The following UVSSA variants were observed in gnomAD, a reference collection of about 807,000 sequenced individuals.
UVSSA encodes UV stimulated scaffold protein A, also known as UV-stimulated scaffold protein A.
Under a neutral mutation model 73.9 loss-of-function variants are expected in UVSSA, and 72 were observed. The observed-to-expected ratio is 0.97, with a 90% CI of 0.81 to 1.19. UVSSA has a LOEUF of 1.19. Ranked by LOEUF, UVSSA falls within the 50% of genes most tolerant of loss-of-function variation. The pLI is 0.00. For missense variants in UVSSA, 1,150 were observed against 965.0 expected (o/e 1.19, Z -2.54); for synonymous variants, 454 against 391.3 (o/e 1.16, Z -1.89).
Position 1,355,193 on chromosome 4 carries a change from T to C in UVSSA, c.1124T>C (p.Leu375Pro). The change falls in exon 7 of 14, where the codon CTG (leucine) becomes CCG (proline). Residue 375 changes from leucine (L) to proline (P), a missense_variant. Physicochemically the swap from Leu to Pro is moderately conservative, Grantham distance 98. Coordinates refer to ENST00000389851, the MANE Select transcript of UVSSA (RefSeq NM_020894.4). ...CTGAAGGCTGAATTGGAGCTCGTAC[T>C]GAGAAAATACAAGGAGCTGGACATC... is the stretch of plus-strand genomic sequence containing the variant. ...IDLKAELELV[L>P]RKYKELDIEP... is the part of the protein sequence containing the mutation. 6.2e-7 allele frequency: 1 copy of C among 1,613,480 alleles called. No homozygotes were observed. The highest frequency in any genetic ancestry group is 8.5e-7 in the Non-Finnish European group (1 of 1,179,816).
intron 10 of UVSSA, among the ~76,000 whole-genome samples, chr4:1,379,046 C>T (rs1345667211): frequency 6.6e-6 from 1 of 150,848 alleles, no homozygotes; most frequent in Non-Finnish European, 1.5e-5. Context: ...GTGCCTGGGG[C>T]TGTGCTCCTG....
At chr4:1,371,774 T>G (rs1240621045) in intron 8 of UVSSA, among the ~76,000 whole-genome samples, 2 of 152,046 alleles carry the variant, frequency 1.3e-5, no homozygotes, top group Non-Finnish European at 2.9e-5. Flanking sequence ...CCACCACGTG[T>G]GGGAATTATG....
chr4:1,376,776 G>A (rs554390516), intron 10 of UVSSA, among the ~76,000 whole-genome samples: 26 of 152,330 alleles, frequency 1.7e-4, no homozygotes, highest in African/African-American at 5.5e-4. Flanking sequence ...TCGCTGGCAC[G>A]GCCTATCGGG....
rs1192005055 is a variant in UVSSA at position 1,355,212 on chromosome 4, G to A, written c.1143G>A (p.Leu381=). 6.2e-6 allele frequency: 10 copies of A among 1,613,062 alleles called. No homozygotes were observed. In the Admixed American group the frequency reaches 1.0e-4, roughly 16 times the overall value. ...LELVLRKYKE[L]DIEPEGGERR... The stretch of plus-strand genomic sequence containing the variant: ...TCGTACTGAGAAAATACAAGGAGCT[G>A]GACATCGAGCCTGAGGGAGGGGAAA... Residue 381 remains leucine, a synonymous_variant, in exon 7 of 14, where the codon CTG becomes CTA. Coordinates refer to ENST00000389851, the MANE Select transcript of UVSSA (RefSeq NM_020894.4).
intron 8 of UVSSA, among the ~76,000 whole-genome samples, chr4:1,369,679 G>T (rs957755165): frequency 3.9e-5 from 6 of 152,204 alleles, no homozygotes; most frequent in African/African-American, 9.7e-5. Context: ...TAATGTCAGC[G>T]CTGGGCAGGC....
rs370699245 is a variant in UVSSA, at chr4:1,349,627, C to G, written c.202C>G (p.Leu68Val). The G allele has an allele frequency of 3.1e-6, 5 of 1,613,998 alleles. No homozygotes were observed. The African/African-American group carries it at 6.7e-5, about 22-fold the overall frequency. The part of the protein sequence containing the change: ...RLSAFQIVEE[L>V]FVRSHQFRML... ...CTCAGCCTTCCAGATTGTGGAGGAACTCTTCGTCAGGTCTCACCAGTTCCG... is the reference window on the plus strand; with the variant it reads ...CTCAGCCTTCCAGATTGTGGAGGAAGTCTTCGTCAGGTCTCACCAGTTCCG... Residue 68 changes from leucine (L) to valine (V), a missense_variant, in exon 3 of 14, where the codon CTC becomes GTC. Physicochemically the swap from Leu to Val is conservative, Grantham distance 32 (BLOSUM62 1). Coordinates refer to ENST00000389851, the MANE Select transcript of UVSSA (RefSeq NM_020894.4).
At chr4:1,380,601 AG>A (rs1334896773) in intron 11 of UVSSA, 3 of 1,476,484 alleles carry the variant, frequency 2.0e-6, no homozygotes, top group East Asian at 2.7e-5. Flanking sequence ...GGCATGGTGC[AG>A]GGGGGTCGCT....
At chr4:1,360,971 G>A (rs1421592459) in intron 7 of UVSSA, among the ~76,000 whole-genome samples, 1 of 152,214 alleles carries the variant, frequency 6.6e-6, no homozygotes, top group Non-Finnish European at 1.5e-5. Flanking sequence ...GGGACCCAGG[G>A]GCAAACACCA....
rs146611196 is a variant in UVSSA at position 1,377,705 on chromosome 4, G to A, written c.1568+1537G>A. ...GAGAGAGGCCTGAGCAGCTGCTGGT[G>A]AGGACCCGGTTAGTCCTGGATGGCA... On this transcript the variant is annotated intron_variant, in intron 10 of 13. Coordinates refer to ENST00000389851, the MANE Select transcript of UVSSA (RefSeq NM_020894.4). Among the ~76,000 whole-genome samples the A allele has an allele frequency of 7.1e-3, 1,083 of 152,338 alleles. 10 individuals carry two copies. The highest frequency in any genetic ancestry group is 0.012 in the Non-Finnish European group (795 of 68,026).
chr4:1,354,905 G>GGGGT (rs1553877123), intron 6 of UVSSA, 58 bp downstream of exon 6: 4 of 1,480,148 alleles, frequency 2.7e-6, no homozygotes, highest in African/African-American at 1.4e-5. Flanking sequence ...GCCATGCATG[G>GGGGT]GGGGGGTCCC....
chr4:1,393,187 T>G (rs1720445282), exon 14 of UVSSA: 1 of 152,232 alleles, frequency 6.6e-6, no homozygotes, highest in East Asian at 1.9e-4. Flanking sequence ...TCACAGATGC[T>G]TTTGCCAAAC....
At chr4:1,367,017 G>A (rs1237410792) in intron 8 of UVSSA, among the ~76,000 whole-genome samples, 1 of 152,176 alleles carries the variant, frequency 6.6e-6, no homozygotes, top group Non-Finnish European at 1.5e-5. Context: ...CGCCTTCCAG[G>A]CTCCCATCCC....
At chr4:1,345,776 G>A (rs1431498949), upstream of UVSSA, among the ~76,000 whole-genome samples, 1 of 152,064 alleles carries the variant, frequency 6.6e-6, no homozygotes, top group African/African-American at 2.4e-5. Context: ...GTGTAAAGGA[G>A]ACTGGACTTA....
In UVSSA at chr4:1,355,167, C is replaced by T. The variant is rs754212319; in HGVS notation, c.1098C>T (p.Asp366=). 3 of 1,613,888 alleles carry T rather than the reference C, an allele frequency of 1.9e-6. No individual in the cohort carries two copies. Among genetic ancestry groups the T allele is most frequent in the East Asian group, 4.5e-5 (2 of 44,872 alleles). Residue 366 remains aspartate, a synonymous_variant, in exon 7 of 14, where the codon GAC becomes GAT. Transcript: ENST00000389851. ...THGGCLKRAI[D]LKAELELVLR... is the part of the protein sequence containing the mutation. ...GTGGATGTTTAAAGCGTGCCATTGA[C>T]CTGAAGGCTGAATTGGAGCTCGTAC...
In UVSSA at chr4:1,366,424, T is replaced by C; in HGVS notation, c.1281T>C (p.Pro427=). The C allele has an allele frequency of 6.2e-7, 1 of 1,607,904 alleles. No homozygotes were observed. Residue 427 remains proline (P), a synonymous_variant, in exon 8 of 14, where the codon CCT becomes CCC. Coordinates refer to ENST00000389851, the MANE Select transcript of UVSSA (RefSeq NM_020894.4). ...CACACATCCCCGACCACTTGCGGCC[T>C]GAGTATGGTGAGCAGTGGGTCCCGT... The part of the protein sequence containing the change: ...YEPHIPDHLR[P]EYGLEAAPEK...
intron 12 of UVSSA, 98 bp from the exon 13 acceptor site, chr4:1,383,668 C>T (rs1039467901): frequency 6.7e-7 from 1 of 1,490,854 alleles, no homozygotes; most frequent in African/African-American, 1.4e-5. Flanking sequence ...ACCCAGCCCC[C>T]CTGTCAGGAC....
At chr4:1,342,427 T>C (rs534933699), upstream of UVSSA, among the ~76,000 whole-genome samples, 1 of 152,380 alleles carries the variant, frequency 6.6e-6, no homozygotes, top group Admixed American at 6.5e-5. Flanking sequence ...TTTGTAGGGA[T>C]TCCTCACATA....
chr4:1,384,470 G>T (rs552292585), intron 13 of UVSSA: 283 of 154,908 alleles, frequency 1.8e-3, no homozygotes, highest in Admixed American at 3.0e-3. Flanking sequence ...CTGTGTGACT[G>T]GTGAGGACTT....
rs199706071 is a variant in UVSSA at position 1,395,641 on chromosome 4, C to T, written c.*9680C>T. ...CATGTGGAGTGCCCGCCTGCTCACA[C>T]GTGCCCATGTGGAGTGCCTGCCTGC... is the stretch of plus-strand genomic sequence containing the variant. On this transcript the variant is annotated 3_prime_UTR_variant, in exon 14 of 14. Transcript: ENST00000511216. 4.0e-4 allele frequency: 645 copies of T among 1,602,384 alleles called. 16 individuals carry two copies. The South Asian group carries it at 6.2e-3, about 15-fold the overall frequency.
Sources: gnomAD v4.1 joint callset for allele counts (sites outside exome capture counted in the v4.1 genomes callset) on GRCh38, gnomAD v4.1.1 for gene constraint, MANE v1.5 for transcripts, NCBI Gene and HGNC (gene_info 2026-07-23, HGNC 2026-07-21) for gene names.